Variants in PCSK5 observed in about 807,000 individuals in gnomAD.
PCSK5 encodes the protein prohormone convertase 5.
In PCSK5, 129 loss-of-function variants were observed where a neutral mutation model predicts 233.2. The ratio of observed to expected loss-of-function variants is 0.55; its 90% CI spans 0.48 to 0.64. PCSK5 has a LOEUF of 0.64. PCSK5 is among the 30% of genes least tolerant of loss of function. PCSK5 has a pLI of 0.00. For synonymous variants in PCSK5, 825 were observed against 879.2 expected, an observed-to-expected ratio of 0.94 and a Z score of 1.09; for missense variants, 2,076 against 2,430.1, an observed-to-expected ratio of 0.85 and a Z score of 3.06.
At chr9:76,152,788 TTTAG>T (rs1447701690) in intron 10 of PCSK5, among the ~76,000 whole-genome samples, 6 of 152,236 alleles carry the variant, frequency 3.9e-5, no homozygotes, top group Admixed American at 2.0e-4. Context: ...CTAGCTTATC[TTTAG>T]AATAGAGTCT....
intron 22 of PCSK5, among the ~76,000 whole-genome samples, chr9:76,235,634 G>A (rs142423569): frequency 1.3e-5 from 2 of 152,270 alleles, no homozygotes; most frequent in East Asian, 3.9e-4. Flanking sequence ...CTAACAAGGA[G>A]GTTTGTCCTC....
intron 8 of PCSK5, among the ~76,000 whole-genome samples, chr9:76,106,481 G>A (rs146875456): frequency 3.9e-4 from 59 of 152,276 alleles, no homozygotes; most frequent in African/African-American, 7.9e-4. Flanking sequence ...ATATTATTCC[G>A]TCACAGCTGA....
At chr9:76,246,192 A>G (rs779196492) in intron 24 of PCSK5, among the ~76,000 whole-genome samples, 1 of 151,930 alleles carries the variant, frequency 6.6e-6, no homozygotes, top group Non-Finnish European at 1.5e-5. Flanking sequence ...AAATACAAAA[A>G]TTAGCTGAAC....
chr9:75,955,372 C>T (rs1825050619), intron 2 of PCSK5, among the ~76,000 whole-genome samples: 1 of 152,166 alleles, frequency 6.6e-6, no homozygotes, highest in African/African-American at 2.4e-5. Flanking sequence ...CTTGCCTTCT[C>T]CTACCCTTTA....
chr9:76,052,851 G>T (rs1166099013), intron 5 of PCSK5, among the ~76,000 whole-genome samples: 1 of 152,180 alleles, frequency 6.6e-6, no homozygotes, highest in Non-Finnish European at 1.5e-5. Context: ...GATAGAATGG[G>T]GTACAGGCAT....
chr9:76,238,639 A>G (rs868269754), intron 22 of PCSK5, among the ~76,000 whole-genome samples: 13 of 152,258 alleles, frequency 8.5e-5, no homozygotes, highest in African/African-American at 3.1e-4. Context: ...TGGGAAAGTT[A>G]AACACATTTT....
rs531473182 is a variant in PCSK5, at chr9:76,145,084, C to T, written c.1312+10872C>T. Among the ~76,000 whole-genome samples the T allele has an allele frequency of 1.3e-4, 20 of 152,118 alleles. No individual in the cohort carries two copies. In the South Asian group the frequency reaches 1.5e-3, roughly 11 times the overall value. ...AGGTTGCAGTGAGCCAAGATTGTGC[C>T]GCTGCACTCCAGTCTGAGCGACAGA... On this transcript the variant is annotated intron_variant, in intron 10 of 37. Transcript: ENST00000674117.
At chr9:75,941,645 A>T (rs1824310743) in intron 2 of PCSK5, among the ~76,000 whole-genome samples, 1 of 152,136 alleles carries the variant, frequency 6.6e-6, no homozygotes, top group Non-Finnish European at 1.5e-5. Flanking sequence ...TTAACATTTG[A>T]TAGCATTTCT....
intron 20 of PCSK5, among the ~76,000 whole-genome samples, chr9:76,192,593 A>ACTTCTTCTTGTGTTGAATTTAATT (rs151276433): frequency 1.6e-4 from 24 of 151,932 alleles, no homozygotes; most frequent in African/African-American, 5.6e-4. Context: ...GCACATGACT[A>ACTTCTTCTTGTGTTGAATTTAATT]CTTCTTCTTG....
chr9:75,952,387 G>GA (rs1377988798), intron 2 of PCSK5, among the ~76,000 whole-genome samples: 19 of 152,126 alleles, frequency 1.2e-4, no homozygotes, highest in African/African-American at 4.6e-4. Context: ...TCTCCATACT[G>GA]AAGCCATCCT....
intron 2 of PCSK5, among the ~76,000 whole-genome samples, chr9:75,955,711 A>T (rs1276855453): frequency 2.0e-5 from 3 of 151,968 alleles, no homozygotes; most frequent in Admixed American, 2.0e-4. Flanking sequence ...GGTTTAATTT[A>T]AATTAACTGT....
At chr9:76,085,174 A>G (rs971081109) in intron 7 of PCSK5, among the ~76,000 whole-genome samples, 4 of 152,298 alleles carry the variant, frequency 2.6e-5, no homozygotes, top group East Asian at 3.9e-4. Context: ...CTCCTAGTCA[A>G]CCGTAGCTGA....
At chr9:76,308,341 G>T (rs12336000) in intron 28 of PCSK5, among the ~76,000 whole-genome samples, 12,413 of 152,302 alleles carry the variant, frequency 0.082, 572 homozygotes, top group African/African-American at 0.1. Context: ...AAGTAATTAT[G>T]TGTTCAAATA....
intron 3 of PCSK5, among the ~76,000 whole-genome samples, chr9:76,006,260 CA>C (rs1377291094): frequency 6.6e-6 from 1 of 151,968 alleles, no homozygotes; most frequent in African/African-American, 2.4e-5. Flanking sequence ...TTTTTAAGCT[CA>C]TTTACATTTA....
chr9:76,086,569 T>C (rs1030992869), intron 7 of PCSK5, among the ~76,000 whole-genome samples: 33 of 152,202 alleles, frequency 2.2e-4, no homozygotes, highest in African/African-American at 6.5e-4. Flanking sequence ...TATTTGGGAA[T>C]TGTTGATTTG....
chr9:75,999,661 C>T (rs529037489), intron 3 of PCSK5, among the ~76,000 whole-genome samples: 4 of 152,302 alleles, frequency 2.6e-5, no homozygotes, highest in South Asian at 2.1e-4. Context: ...CCCTCATTCC[C>T]GTAAATCCAC....
chr9:76,331,942 C>A (rs528132876), intron 33 of PCSK5, among the ~76,000 whole-genome samples: 6 of 152,342 alleles, frequency 3.9e-5, no homozygotes, highest in African/African-American at 1.4e-4. Context: ...TTCAAGGCCC[C>A]AAGTTGGGGA....
At chr9:75,957,360 A>AC (rs1340805311) in intron 2 of PCSK5, among the ~76,000 whole-genome samples, 16 of 152,168 alleles carry the variant, frequency 1.1e-4, no homozygotes, top group African/African-American at 3.6e-4. Flanking sequence ...AAAGATCGTA[A>AC]CATTCTTGGA....
chr9:76,299,522 A>G (rs1483165201), intron 27 of PCSK5, among the ~76,000 whole-genome samples: 1 of 152,034 alleles, frequency 6.6e-6, no homozygotes, highest in African/African-American at 2.4e-5. Context: ...TACAAAAAAA[A>G]TTAGCCGGGC....
Sources: allele counts gnomAD v4.1 joint callset (sites outside exome capture counted in the v4.1 genomes callset), GRCh38; gene constraint gnomAD v4.1.1; transcripts MANE v1.5; gene names NCBI Gene and HGNC (gene_info 2026-07-23, HGNC 2026-07-21).